The following ITGA9 variants were observed in gnomAD, a reference collection of about 807,000 sequenced individuals.
The protein encoded by ITGA9 is integrin alpha-9.
In ITGA9, 56 loss-of-function variants were observed where a neutral mutation model predicts 127.8. That is an observed-to-expected ratio of 0.44 (90% CI 0.35 to 0.55). The LOEUF (loss-of-function observed/expected upper bound fraction) is 0.55. Ranked by LOEUF, ITGA9 falls within the 20% of genes least tolerant of loss-of-function variation. ITGA9 has a pLI of 0.00. For synonymous variants in ITGA9, 508 were observed against 514.5 expected (o/e 0.99, Z 0.17); for missense variants, 1,196 against 1,347.1 (o/e 0.89, Z 1.76).
intron 13 of ITGA9, among the ~76,000 whole-genome samples, chr3:37,529,914 G>A (rs1462008074): frequency 8.5e-5 from 13 of 152,206 alleles, no homozygotes; most frequent in African/African-American, 7.2e-5. Flanking sequence ...GTTCAGTTCC[G>A]GTACATGGGC....
chr3:37,490,968 C>CCA (rs1553642003), intron 4 of ITGA9, among the ~76,000 whole-genome samples: 3 of 133,660 alleles, frequency 2.2e-5, no homozygotes, highest in African/African-American at 5.7e-5. Flanking sequence ...ATTTGGCTTC[C>CCA]CCCCCGCTTT....
In ITGA9 at chr3:37,806,901, C is replaced by T. The variant is rs77727962; in HGVS notation, c.3009+2959C>T. 9.2e-3 allele frequency: 1,404 copies of T among 152,392 alleles called. 91 individuals are homozygous for T. The East Asian group carries it at 0.18, about 20-fold the overall frequency. The allele number at this position is 152,392 out of a possible 1,614,324, so 9.4% of individuals were successfully genotyped here. A position where few individuals can be genotyped will look rare whatever the true frequency, so the allele number is the denominator to read the frequency against. ...TACTTTGCCCCAGTCCTTGCTTTGC[C>T]TGGACTAGGCACTGGGATGCAGCAA... On this transcript the variant is annotated intron_variant, in intron 27 of 27. Coordinates refer to ENST00000264741, the MANE Select transcript of ITGA9 (RefSeq NM_002207.3). This position sits in a 1 kb window ranked among gnomAD's most constrained non-coding sequence, Gnocchi z 4.3.
intron 18 of ITGA9, among the ~76,000 whole-genome samples, chr3:37,713,401 C>A (rs1443301398): frequency 2.0e-5 from 3 of 152,296 alleles, no homozygotes; most frequent in African/African-American, 7.2e-5. Context: ...GGCACTCCCT[C>A]CTCCACCAAC....
rs370080213 is a variant in ITGA9, at chr3:37,591,626, T to C, written c.1690-37561T>C. On this transcript the variant is annotated intron_variant, in intron 15 of 27. Coordinates refer to ENST00000264741, the MANE Select transcript of ITGA9 (RefSeq NM_002207.3). Reference sequence around the variant, plus strand: ...CTGTAGACCTCGGGGGTCCAGACTTTCCTTGCACACAAAGCCTAGGCCTTT... The same window carrying C: ...CTGTAGACCTCGGGGGTCCAGACTTCCCTTGCACACAAAGCCTAGGCCTTT... Among the ~76,000 whole-genome samples the C allele has an allele frequency of 7.2e-5, 11 of 152,312 alleles. 1 individual carries two copies. The highest frequency in any genetic ancestry group is 2.2e-4 in the African/African-American group (9 of 41,552).
chr3:37,533,239 G>C (rs1269659229), intron 13 of ITGA9, 75 bp from the exon 14 acceptor site: 3 of 1,323,148 alleles, frequency 2.3e-6, no homozygotes, highest in East Asian at 2.3e-5. Context: ...GATTTATCCT[G>C]TTGGTCTAGT....
At chr3:37,532,376 T>A (rs1017126109) in intron 13 of ITGA9, among the ~76,000 whole-genome samples, 3 of 152,238 alleles carry the variant, frequency 2.0e-5, no homozygotes, top group Non-Finnish European at 2.9e-5. Context: ...CCTATCACCC[T>A]GGGCTCTCTT....
chr3:37,708,609 T>TCCCCACACAACAAGGA (rs1701035096), intron 18 of ITGA9, among the ~76,000 whole-genome samples: 8 of 218 alleles, frequency 0.037, no homozygotes, highest in East Asian at 0.1. Context: ...AGTTCAGCGC[T>TCCCCACACAACAAGGA]ATTAGCATCT....
chr3:37,653,861 TG>T, intron 17 of ITGA9, 71 bp downstream of exon 17: 1 of 1,088,460 alleles, frequency 9.2e-7, no homozygotes, highest in Non-Finnish European at 1.4e-6. Flanking sequence ...CAAACCTGAA[TG>T]TGCAGATTTC....
intron 18 of ITGA9, among the ~76,000 whole-genome samples, chr3:37,724,915 C>A (rs888837978): frequency 3.3e-5 from 5 of 152,022 alleles, no homozygotes; most frequent in African/African-American, 1.2e-4. Context: ...ATGTATAAGT[C>A]CTTTCAGAGG....
At chr3:37,559,157 C>T (rs138146918) in intron 15 of ITGA9, among the ~76,000 whole-genome samples, 2 of 152,200 alleles carry the variant, frequency 1.3e-5, no homozygotes, top group East Asian at 3.9e-4. Flanking sequence ...CCTTGCTGTC[C>T]ATTTCTAAGG....
intron 23 of ITGA9, among the ~76,000 whole-genome samples, chr3:37,752,739 C>T (rs1696603069): frequency 6.6e-6 from 1 of 152,210 alleles, no homozygotes; most frequent in African/African-American, 2.4e-5. Context: ...CTTCTGGGGT[C>T]CCTGGGCAGG....
In ITGA9 at chr3:37,628,345, A is replaced by T. The variant is rs1160902255; in HGVS notation, c.1690-842A>T. 3.3e-5 allele frequency among the ~76,000 whole-genome samples: 5 copies of T among 152,222 alleles called. No homozygotes were observed. The East Asian group carries it at 9.7e-4, about 29-fold the overall frequency. ...CCTGCGTCTAACTCTAACTTGTGAG[A>T]TTGTGGGGGCCAGAGTCCCCAGGAG... is the stretch of plus-strand genomic sequence containing the variant. On this transcript the variant is annotated intron_variant, in intron 15 of 27. Transcript: ENST00000264741.
chr3:37,791,275 A>G (rs1397832049), intron 26 of ITGA9, among the ~76,000 whole-genome samples: 1 of 152,168 alleles, frequency 6.6e-6, no homozygotes, highest in East Asian at 1.9e-4. Flanking sequence ...TTTTCTTGAT[A>G]TTTTCAAATA....
rs560721278 is a variant in ITGA9, at chr3:37,780,586, A to G, written c.2787+565A>G. Among the ~76,000 whole-genome samples, 3 of 152,246 alleles carry G rather than the reference A, an allele frequency of 2.0e-5. No homozygotes were observed. The South Asian group carries it at 6.2e-4, about 32-fold the overall frequency. On this transcript the variant is annotated intron_variant, in intron 25 of 27. Coordinates refer to ENST00000264741, the MANE Select transcript of ITGA9 (RefSeq NM_002207.3). The stretch of plus-strand genomic sequence containing the variant: ...TATAACCAGTCATCCATTCATGGAC[A>G]CTTAAGTTGATTCCCTATCTTTGCT...
At chr3:37,683,809 CAT>C in intron 17 of ITGA9, 54 bp from the exon 18 acceptor site, 1 of 1,583,896 alleles carries the variant, frequency 6.3e-7, no homozygotes, top group Non-Finnish European at 8.7e-7. Context: ...CCCTGTGCCT[CAT>C]GTTATATTAG....
chr3:37,521,845 T>C (rs2125581696), intron 11 of ITGA9, among the ~76,000 whole-genome samples: 1 of 152,328 alleles, frequency 6.6e-6, no homozygotes, highest in East Asian at 1.9e-4. Context: ...CCATGTGGGA[T>C]GTAGGGCTTT....
At chr3:37,514,432 A>T (rs966472704) in intron 9 of ITGA9, among the ~76,000 whole-genome samples, 2 of 152,226 alleles carry the variant, frequency 1.3e-5, no homozygotes, top group African/African-American at 4.8e-5. Flanking sequence ...AAGAAGGAGT[A>T]GGAGTTAGCA....
chr3:37,636,233 T>C lies in ITGA9; in HGVS notation c.1839+6897T>C, dbSNP rs547114209. 5.5e-3 allele frequency among the ~76,000 whole-genome samples: 840 copies of C among 152,302 alleles called. 9 individuals carry two copies. Among genetic ancestry groups the C allele is most frequent in the Middle Eastern group, 0.027 (8 of 294 alleles). ...TTGACTTCCACAATGGTTGAACTAGTTGACAGTCCCACCAACAGTGTAAAA... is the reference window on the plus strand; with the variant it reads ...TTGACTTCCACAATGGTTGAACTAGCTGACAGTCCCACCAACAGTGTAAAA... On this transcript the variant is annotated intron_variant, in intron 16 of 27. Transcript: ENST00000264741.
Position 37,642,924 on chromosome 3 carries a change from C to T in ITGA9, c.1840-10790C>T, listed in dbSNP as rs75266129. ...GCCTGGACATTAGGTAATAGTTTCC[C>T]GGCTGAGGTGCCCAGCTGGCTTAAC... On this transcript the variant is annotated intron_variant, in intron 16 of 27. Coordinates refer to ENST00000264741, the MANE Select transcript of ITGA9 (RefSeq NM_002207.3). Among the ~76,000 whole-genome samples, 378 of 152,282 alleles carry T rather than the reference C, an allele frequency of 2.5e-3. 3 individuals are homozygous for T. The highest frequency in any genetic ancestry group is 7.9e-3 in the African/African-American group (327 of 41,540).
Sources: gnomAD v4.1 joint callset for allele counts (sites outside exome capture counted in the v4.1 genomes callset) on GRCh38, gnomAD v4.1.1 for gene constraint, Gnocchi (gnomAD v3.1) non-coding constraint, MANE v1.5 for transcripts, NCBI Gene and HGNC (gene_info 2026-07-23, HGNC 2026-07-21) for gene names.